GABBR2: variants seen among roughly 807,000 people sequenced by gnomAD.
GABBR2 encodes gamma-aminobutyric acid type B receptor subunit 2, also known as G-protein coupled receptor 51.
Under a neutral mutation model 105.6 loss-of-function variants are expected in GABBR2, and 23 were observed. The observed-to-expected ratio is 0.22, with a 90% CI of 0.16 to 0.31. GABBR2 has a LOEUF of 0.31. Among genes scored for constraint, GABBR2 ranks in the 10% least tolerant of loss-of-function variants. GABBR2 has a pLI of 1.00. For missense variants in GABBR2, 734 were observed against 1,245.5 expected, an observed-to-expected ratio of 0.59 and a Z score of 6.18; for synonymous variants, 478 against 499.7, an observed-to-expected ratio of 0.96 and a Z score of 0.58.
In GABBR2 at chr9:98,289,131, C is replaced by A. The variant is rs554815199; in HGVS notation, c.*1453G>T. 6.5e-6 allele frequency: 1 copy of A among 152,808 alleles called. No homozygotes were observed. The highest frequency in any genetic ancestry group is 2.1e-4 in the South Asian group (1 of 4,824). 9.5% of individuals were successfully genotyped at this position (152,808 alleles called of 1,614,324 possible). On this transcript the variant is annotated 3_prime_UTR_variant, in exon 19 of 19. Transcript: ENST00000259455. Reference sequence around the variant, plus strand: ...TGCTGGAAGCTTCTCTGGGCCACACCCCCGGCTGTAGGGAGGGCTGAAGGT... The same window carrying A: ...TGCTGGAAGCTTCTCTGGGCCACACACCCGGCTGTAGGGAGGGCTGAAGGT...
chr9:98,392,494 G>A (rs994738689), intron 9 of GABBR2, among the ~76,000 whole-genome samples: 5 of 152,168 alleles, frequency 3.3e-5, no homozygotes, highest in Admixed American at 2.6e-4. Context: ...AGTTGGGATA[G>A]GGAGGCTCAC....
At chr9:98,662,102 C>A (rs1307529854) in intron 1 of GABBR2, among the ~76,000 whole-genome samples, 1 of 152,196 alleles carries the variant, frequency 6.6e-6, no homozygotes, top group Non-Finnish European at 1.5e-5. Flanking sequence ...TTCCTACATA[C>A]AAATCTTAGA....
intron 1 of GABBR2, among the ~76,000 whole-genome samples, chr9:98,663,149 A>C (rs1458369466): frequency 6.6e-6 from 1 of 151,904 alleles, no homozygotes; most frequent in African/African-American, 2.4e-5. Flanking sequence ...AAATGCCAGA[A>C]CTGTCATCAA....
intron 1 of GABBR2, among the ~76,000 whole-genome samples, chr9:98,691,163 A>G (rs1830677171): frequency 6.6e-6 from 1 of 152,312 alleles, no homozygotes; most frequent in South Asian, 2.1e-4. Context: ...ACTCACTCCC[A>G]AATCTAAGTG....
At chr9:98,576,937 T>TGGATGGATGGATGGAA (rs1394193163) in intron 2 of GABBR2, among the ~76,000 whole-genome samples, 16 of 151,136 alleles carry the variant, frequency 1.1e-4, no homozygotes, top group Non-Finnish European at 1.8e-4. Context: ...GATGGATGGA[T>TGGATGGATGGATGGAA]GGATGGATGG....
At chr9:98,335,649 T>G (rs1338577315) in intron 13 of GABBR2, among the ~76,000 whole-genome samples, 1 of 147,644 alleles carries the variant, frequency 6.8e-6, no homozygotes, top group Admixed American at 6.8e-5. Context: ...GAGTCAAGTT[T>G]CTCTTTGAAA....
At chr9:98,444,574 A>G (rs73502898) in intron 7 of GABBR2, among the ~76,000 whole-genome samples, 14,461 of 152,236 alleles carry the variant, frequency 0.095, 961 homozygotes, top group African/African-American at 0.19. Context: ...AGGAAGGAAG[A>G]TGGGAGAGAC....
At chr9:98,421,940 A>C (rs1232804661) in intron 7 of GABBR2, among the ~76,000 whole-genome samples, 1 of 152,236 alleles carries the variant, frequency 6.6e-6, no homozygotes, top group East Asian at 1.9e-4. Context: ...CAAAACTTCC[A>C]AAGCACAAAC....
chr9:98,440,862 C>T (rs1255468481), intron 7 of GABBR2, among the ~76,000 whole-genome samples: 1 of 152,158 alleles, frequency 6.6e-6, no homozygotes, highest in Non-Finnish European at 1.5e-5. Flanking sequence ...GCTGTCTTCT[C>T]CTGATTTTAG....
At chr9:98,607,290 C>G in intron 1 of GABBR2, 1 of 893,312 alleles carries the variant, frequency 1.1e-6, no homozygotes, top group Non-Finnish European at 1.9e-6. Context: ...ACGTCAGATG[C>G]CTGATAACGG....
At chr9:98,465,181 ACAAT>A (rs1221261147) in intron 6 of GABBR2, among the ~76,000 whole-genome samples, 1 of 151,388 alleles carries the variant, frequency 6.6e-6, no homozygotes, top group Non-Finnish European at 1.5e-5. Flanking sequence ...TATTAAATAA[ACAAT>A]CAATACGTGA....
chr9:98,447,448 T>C (rs1478082253), intron 7 of GABBR2, among the ~76,000 whole-genome samples: 2 of 152,096 alleles, frequency 1.3e-5, no homozygotes, highest in Non-Finnish European at 2.9e-5. Flanking sequence ...GTTTAGTCTC[T>C]ACATTGGAAA....
chr9:98,507,425 C>T (rs1827535352), intron 3 of GABBR2, among the ~76,000 whole-genome samples: 1 of 152,070 alleles, frequency 6.6e-6, no homozygotes, highest in Admixed American at 6.5e-5. Flanking sequence ...AACCAAGGCT[C>T]ACGGGCAGCA....
chr9:98,701,122 C>T (rs1215247177), intron 1 of GABBR2, among the ~76,000 whole-genome samples: 1 of 152,324 alleles, frequency 6.6e-6, no homozygotes, highest in South Asian at 2.1e-4. Flanking sequence ...TCCCTGCTGA[C>T]ATCTCAGACC....
At chr9:98,442,210 A>G (rs903032261) in intron 7 of GABBR2, among the ~76,000 whole-genome samples, 64 of 152,366 alleles carry the variant, frequency 4.2e-4, no homozygotes, top group African/African-American at 1.4e-3. Context: ...TGCTGTGGCC[A>G]GAGCTTTCAG....
intron 7 of GABBR2, among the ~76,000 whole-genome samples, chr9:98,422,510 GTGTGTGTGTGTC>G (rs1015553976): frequency 1.9e-4 from 28 of 151,274 alleles, no homozygotes; most frequent in Middle Eastern, 3.4e-3. Context: ...GTGTGTGTGT[GTGTGTGTGTGTC>G]TGTGTGTGTG....
At chr9:98,532,589 A>T (rs1828087911) in intron 3 of GABBR2, among the ~76,000 whole-genome samples, 1 of 152,172 alleles carries the variant, frequency 6.6e-6, no homozygotes, top group Admixed American at 6.5e-5. Flanking sequence ...GTTCTTAGTT[A>T]AAGTGAGCTT....
chr9:98,606,928 A>G, intron 1 of GABBR2: 2 of 684,436 alleles, frequency 2.9e-6, no homozygotes, highest in Middle Eastern at 4.0e-4. Flanking sequence ...CAGACCTAAG[A>G]ATCATCTTCT....
rs2131496025 is a variant in GABBR2, at chr9:98,388,792, C to T, written c.1529+62G>A. ...GAATCTGTCATGTGGCACTCCTATACTGTGTCCATAGGCTTGTCAATTTAG... is the reference window on the plus strand; with the variant it reads ...GAATCTGTCATGTGGCACTCCTATATTGTGTCCATAGGCTTGTCAATTTAG... On this transcript the variant is annotated intron_variant, in intron 10 of 18. Coordinates refer to ENST00000259455, the MANE Select transcript of GABBR2 (RefSeq NM_005458.8). The surrounding 1 kb of genome is among the most constrained non-coding windows in gnomAD (Gnocchi z 4.4). The T allele has an allele frequency of 7.2e-7, 1 of 1,389,726 alleles. No homozygotes were observed. Among genetic ancestry groups the T allele is most frequent in the East Asian group, 2.3e-5 (1 of 43,596 alleles). 86.1% of individuals were successfully genotyped at this position (1,389,726 alleles called of 1,614,324 possible).
Sources: allele counts gnomAD v4.1 joint callset (sites outside exome capture counted in the v4.1 genomes callset), GRCh38; gene constraint gnomAD v4.1.1; non-coding constraint Gnocchi (gnomAD v3.1); transcripts MANE v1.5; gene names NCBI Gene and HGNC (gene_info 2026-07-23, HGNC 2026-07-21).